Variants in COL21A1 observed in about 807,000 individuals in gnomAD.
COL21A1 encodes collagen type XXI alpha 1 chain, also known as collagen alpha-1(XXI) chain.
COL21A1 carries 149 observed loss-of-function variants against 137.9 expected under a neutral mutation model. The observed-to-expected ratio is 1.08, with a 90% confidence interval of 0.95 to 1.24. The LOEUF (loss-of-function observed/expected upper bound fraction) is 1.24, where lower values mean the gene tolerates loss of function less well. Among genes scored for constraint, COL21A1 ranks in the 50% most tolerant of loss-of-function variants. COL21A1 has a pLI of 0.00. For synonymous variants in COL21A1, 456 were observed against 391.5 expected (o/e 1.16, Z -1.95); for missense variants, 1,167 against 1,158.4 (o/e 1.01, Z -0.11).
chr6:56,077,602 T>G, intron 17 of COL21A1, 29 bp from the exon 18 acceptor site: 2 of 1,380,402 alleles, frequency 1.4e-6, no homozygotes, highest in East Asian at 2.5e-5. Flanking sequence ...GATTTTTAAC[T>G]TATAAAAAAT....
intron 12 of COL21A1, among the ~76,000 whole-genome samples, chr6:56,137,534 G>T (rs1774091570): frequency 6.6e-6 from 1 of 152,108 alleles, no homozygotes; most frequent in Non-Finnish European, 1.5e-5. Flanking sequence ...TTTGGGGTTT[G>T]GGATTACCAT....
intron 1 of COL21A1, among the ~76,000 whole-genome samples, chr6:56,377,353 C>G (rs915551099): frequency 1.3e-5 from 2 of 151,978 alleles, no homozygotes; most frequent in Non-Finnish European, 2.9e-5. Flanking sequence ...ACTCCCCTCT[C>G]CCCCATTTTC....
chr6:56,195,745 TC>T (rs1303700773), intron 1 of COL21A1, among the ~76,000 whole-genome samples: 1 of 151,924 alleles, frequency 6.6e-6, no homozygotes, highest in East Asian at 1.9e-4. Context: ...AAACAAAACC[TC>T]CCAACAGAAA....
chr6:56,222,396 G>T (rs2152313076), intron 1 of COL21A1, among the ~76,000 whole-genome samples: 1 of 152,236 alleles, frequency 6.6e-6, no homozygotes, highest in South Asian at 2.1e-4. Flanking sequence ...TCACTCACAT[G>T]ATAATGGTGG....
intron 16 of COL21A1, among the ~76,000 whole-genome samples, chr6:56,107,929 A>C (rs1393113334): frequency 1.3e-5 from 2 of 152,156 alleles, no homozygotes; most frequent in African/African-American, 4.8e-5. Flanking sequence ...GAAATAAACA[A>C]GAAGAAAAGA....
In COL21A1 at chr6:56,170,980, A is replaced by T. The variant is rs1477551900; in HGVS notation, c.789T>A (p.Val263=). ...KIKGYEVTSK[V]DLSELTSNVF... ...CATACCTTGTGAGTTCTGATAAATC[A>T]ACTTTTGATGTTACTTCATATCCTT... The change falls in exon 4 of 30, where the codon GTT becomes GTA. Residue 263 remains valine (V), a synonymous_variant. Transcript: ENST00000244728. 2.5e-6 allele frequency: 4 copies of T among 1,603,010 alleles called. No homozygotes were observed. The East Asian group carries it at 8.9e-5, about 36-fold the overall frequency.
intron 17 of COL21A1, among the ~76,000 whole-genome samples, chr6:56,099,115 C>T (rs964443208): frequency 1.3e-5 from 2 of 151,736 alleles, no homozygotes; most frequent in African/African-American, 2.4e-5. Context: ...TTATGGTCTA[C>T]ACAGACTTGC....
chr6:56,241,127 A>G (rs908477199), intron 1 of COL21A1, among the ~76,000 whole-genome samples: 6 of 152,072 alleles, frequency 3.9e-5, no homozygotes, highest in African/African-American at 1.4e-4. Flanking sequence ...CCCAAAAATC[A>G]TGTGTACAAG....
chr6:56,080,025 T>C (rs1767613163), intron 17 of COL21A1, among the ~76,000 whole-genome samples: 2 of 151,856 alleles, frequency 1.3e-5, no homozygotes, highest in South Asian at 2.1e-4. Flanking sequence ...TATTAGTTAA[T>C]AAAATTCTCC....
intron 1 of COL21A1, among the ~76,000 whole-genome samples, chr6:56,262,395 C>T (rs1220474728): frequency 6.6e-6 from 1 of 151,998 alleles, no homozygotes; most frequent in Non-Finnish European, 1.5e-5. Flanking sequence ...TATATTTAAC[C>T]CTCACAATAA....
intron 1 of COL21A1, among the ~76,000 whole-genome samples, chr6:56,305,045 G>T (rs931585436): frequency 6.6e-6 from 1 of 152,200 alleles, no homozygotes; most frequent in African/African-American, 2.4e-5. Context: ...GAGTGGTTTT[G>T]AGTGAGTTTC....
At chr6:56,291,210 T>G (rs1764033432) in intron 1 of COL21A1, among the ~76,000 whole-genome samples, 1 of 152,066 alleles carries the variant, frequency 6.6e-6, no homozygotes, top group Non-Finnish European at 1.5e-5. Flanking sequence ...AACAATATAT[T>G]ATGGAGGTAA....
At chr6:56,249,596 C>T (rs186067081), upstream of COL21A1, among the ~76,000 whole-genome samples, 1 of 152,070 alleles carries the variant, frequency 6.6e-6, no homozygotes, top group Admixed American at 6.6e-5. Flanking sequence ...CTAAAAGAAG[C>T]CAGTCACACA....
chr6:56,113,476 C>A (rs992216802), intron 16 of COL21A1, among the ~76,000 whole-genome samples: 2 of 152,152 alleles, frequency 1.3e-5, no homozygotes, highest in African/African-American at 4.8e-5. Flanking sequence ...GAAGTAAACC[C>A]ACTGCCTTGA....
intron 10 of COL21A1, among the ~76,000 whole-genome samples, chr6:56,149,434 A>T (rs944066566): frequency 6.6e-6 from 1 of 152,152 alleles, no homozygotes; most frequent in African/African-American, 2.4e-5. Context: ...AATGCATAAG[A>T]TCTTATTGGC....
chr6:56,184,733 G>A (rs760339955), intron 1 of COL21A1, among the ~76,000 whole-genome samples: 11 of 152,116 alleles, frequency 7.2e-5, no homozygotes, highest in Non-Finnish European at 1.5e-4. Context: ...CTTGACCAAA[G>A]GGCATTTAAT....
At chr6:56,186,778 T>C (rs1490235710) in intron 1 of COL21A1, among the ~76,000 whole-genome samples, 1 of 152,062 alleles carries the variant, frequency 6.6e-6, no homozygotes, top group Non-Finnish European at 1.5e-5. Flanking sequence ...CATTGCAAAA[T>C]TAAAGAAACC....
chr6:56,091,063 G>A (rs1768771787), intron 17 of COL21A1, among the ~76,000 whole-genome samples: 1 of 151,996 alleles, frequency 6.6e-6, no homozygotes, highest in Non-Finnish European at 1.5e-5. Context: ...TAGTCAAGCA[G>A]GCAAATAAAG....
intron 1 of COL21A1, among the ~76,000 whole-genome samples, chr6:56,335,255 C>G (rs1029174602): frequency 3.3e-5 from 5 of 152,118 alleles, no homozygotes; most frequent in African/African-American, 1.2e-4. Context: ...TACAAATGGA[C>G]AATGGCCAGG....
Sources: allele counts gnomAD v4.1 joint callset (sites outside exome capture counted in the v4.1 genomes callset), GRCh38; gene constraint gnomAD v4.1.1; transcripts MANE v1.5; gene names NCBI Gene and HGNC (gene_info 2026-07-23, HGNC 2026-07-21).